CTC1: variants seen among roughly 807,000 people sequenced by gnomAD.
The protein encoded by CTC1 is CST telomere replication complex component 1, also known as CST complex subunit CTC1.
A neutral mutation model predicts 136.3 loss-of-function variants in CTC1; 91 were observed. That is an observed-to-expected ratio of 0.67 (90% CI 0.56 to 0.79). CTC1 has a LOEUF of 0.79. CTC1 is among the 30% of genes least tolerant of loss of function. The pLI is 0.00. For missense variants in CTC1, 1,432 were observed against 1,498.1 expected (o/e 0.96, Z 0.73); for synonymous variants, 606 against 613.8 (o/e 0.99, Z 0.19).
intron 22 of CTC1, 37 bp from the exon 23 acceptor site, chr17:8,228,356 C>T (rs1413220713): frequency 1.2e-6 from 2 of 1,610,042 alleles, no homozygotes; most frequent in East Asian, 4.5e-5. Flanking sequence ...ACGTCTCAGG[C>T]ATGTGGCTTT....
chr17:8,240,240 C>T (rs1013416310), intron 2 of CTC1, among the ~76,000 whole-genome samples: 10 of 151,510 alleles, frequency 6.6e-5, no homozygotes, highest in Non-Finnish European at 7.4e-5. Context: ...CTGCAACCTC[C>T]GCCTGCCGGG....
chr17:8,226,690 A>C lies in CTC1; in HGVS notation c.*1490T>G, dbSNP rs142420278. 6.6e-6 allele frequency: 1 copy of C among 152,302 alleles called. No homozygotes were observed. Among genetic ancestry groups the C allele is most frequent in the East Asian group, 1.9e-4 (1 of 5,186 alleles). 9.4% of individuals were successfully genotyped at this position (152,302 alleles called of 1,614,324 possible). A position where few individuals can be genotyped will look rare whatever the true frequency, so the allele number is the denominator to read the frequency against. ...TCGCCTTAACCACTCGGCCACGACTACGAGGCTTAGGGCTTCGTTTTCATC... is the reference window on the plus strand; with the variant it reads ...TCGCCTTAACCACTCGGCCACGACTCCGAGGCTTAGGGCTTCGTTTTCATC... On this transcript the variant is annotated 3_prime_UTR_variant, in exon 23 of 23. Transcript: ENST00000651323.
At chr17:8,231,163 C>T (rs973617704) in intron 15 of CTC1, 113 bp downstream of exon 15, 11 of 892,080 alleles carry the variant, frequency 1.2e-5, no homozygotes, top group Admixed American at 2.7e-5. Context: ...ACAAAAACAA[C>T]AATAACAAAA....
At chr17:8,244,289 G>A (rs959607233) in intron 1 of CTC1, among the ~76,000 whole-genome samples, 11 of 152,140 alleles carry the variant, frequency 7.2e-5, no homozygotes, top group African/African-American at 2.7e-4. Flanking sequence ...GGCTTCCTGA[G>A]GAGGATATGG....
rs1316734945 is a variant in CTC1 at position 8,225,579 on chromosome 17, C to T, written c.*2601G>A. The stretch of plus-strand genomic sequence containing the variant: ...TGCCCTGCCCTTCCACACCAGGATC[C>T]CTAGCGACTCCCGAATGATGCTTTC... On this transcript the variant is annotated 3_prime_UTR_variant, in exon 23 of 23. Coordinates refer to ENST00000651323, the MANE Select transcript of CTC1 (RefSeq NM_025099.6). The T allele has an allele frequency of 6.6e-6, 1 of 152,248 alleles. No homozygotes were observed. Among genetic ancestry groups the T allele is most frequent in the African/African-American group, 2.4e-5 (1 of 41,428 alleles). 9.4% of individuals were successfully genotyped at this position (152,248 alleles called of 1,614,324 possible). A position where few individuals can be genotyped will look rare whatever the true frequency, so the allele number is the denominator to read the frequency against.
chr17:8,228,975 T>C (rs1986972510), intron 20 of CTC1, 83 bp from the exon 21 acceptor site: 1 of 1,512,360 alleles, frequency 6.6e-7, no homozygotes, highest in South Asian at 1.2e-5. Context: ...CCCTCCCCGC[T>C]GTCTGCAGTC....
rs764799661 is a variant in CTC1 at position 8,232,409 on chromosome 17, G to C, written c.2012C>G (p.Ser671Cys). ...VERDVRSSFP[S>C]WKELSMPGFI... ...GCCTGGCATGCTCAGCTCCTTCCAG[G>C]AAGGGAAGCTGCTTCTCACGTCCCT... is the stretch of plus-strand genomic sequence containing the variant. The change falls in exon 12 of 23, where the codon TCC becomes TGC. Residue 671 changes from serine to cysteine, a missense_variant. By Grantham distance (112) the Ser-to-Cys change is moderately radical. Transcript: ENST00000651323. 6.2e-5 allele frequency: 100 copies of C among 1,614,044 alleles called. No individual in the cohort carries two copies. Among genetic ancestry groups the C allele is most frequent in the Non-Finnish European group, 8.0e-5 (94 of 1,180,030 alleles).
At position 8,238,198 on chromosome 17, in the gene CTC1, G is replaced by A. The variant is rs758526155; in HGVS notation, c.480C>T (p.Phe160=). The change falls in exon 4 of 23, where the codon TTC becomes TTT. Residue 160 remains phenylalanine (F), a synonymous_variant. Coordinates refer to ENST00000651323, the MANE Select transcript of CTC1 (RefSeq NM_025099.6). ...CAGGAGGGAGGTAACTCCAACGGGG[G>A]AACAGAAAAAGATGGCCCAACCAAG... ...DLSWLGHLFL[F]PRWSYLPPAR... The A allele has an allele frequency of 3.7e-6, 6 of 1,612,124 alleles. No homozygotes were observed. The highest frequency in any genetic ancestry group is 1.7e-6 in the Non-Finnish European group (2 of 1,178,518).
At position 8,232,394 on chromosome 17, in the gene CTC1, C is replaced by T. The variant is rs1259622000; in HGVS notation, c.2027G>A (p.Ser676Asn). 6.2e-7 allele frequency: 1 copy of T among 1,614,174 alleles called. No homozygotes were observed. Among genetic ancestry groups the T allele is most frequent in the Non-Finnish European group, 8.5e-7 (1 of 1,180,002 alleles). ...RSSFPSWKELSMPGFIQKQQA... is the reference protein window; with the variant it reads ...RSSFPSWKELNMPGFIQKQQA... Reference sequence around the variant, plus strand: ...CTGCTTCTGGATGAAGCCTGGCATGCTCAGCTCCTTCCAGGAAGGGAAGCT... The same window carrying T: ...CTGCTTCTGGATGAAGCCTGGCATGTTCAGCTCCTTCCAGGAAGGGAAGCT... The change falls in exon 12 of 23, where the codon AGC (serine) becomes AAC (asparagine). Residue 676 changes from serine (S) to asparagine (N), a missense_variant. Ser to Asn is a conservative substitution (Grantham distance 46). Coordinates refer to ENST00000651323, the MANE Select transcript of CTC1 (RefSeq NM_025099.6).
chr17:8,231,554 C>T, intron 14 of CTC1, 85 bp from the exon 15 acceptor site: 1 of 1,361,414 alleles, frequency 7.3e-7, no homozygotes, highest in Non-Finnish European at 1.0e-6. Flanking sequence ...CAATTTTGTT[C>T]TTTCTGGAGC....
chr17:8,232,111 T>A lies in CTC1; in HGVS notation c.2177A>T (p.His726Leu). Reference protein sequence around the residue: ...QTDPTGPEGPHLGQSRLFLLC... With the variant: ...QTDPTGPEGPLLGQSRLFLLC... ...CAAGAAGAGCCGGCTCTGTCCTAGG[T>A]GGGGTCCCTCTGGGCCGGTGGGATC... Residue 726 changes from histidine (H) to leucine (L), a missense_variant, in exon 13 of 23, where the codon CAC (histidine) becomes CTC (leucine). Physicochemically the swap from His to Leu is moderately conservative, Grantham distance 99. Transcript: ENST00000651323. 1.3e-6 allele frequency: 2 copies of A among 1,538,340 alleles called. No homozygotes were observed. Among genetic ancestry groups the A allele is most frequent in the Non-Finnish European group, 1.7e-6 (2 of 1,147,890 alleles).
chr17:8,243,843 G>A (rs1384514241), intron 1 of CTC1, among the ~76,000 whole-genome samples: 2 of 152,216 alleles, frequency 1.3e-5, no homozygotes, highest in Admixed American at 6.5e-5. Flanking sequence ...AGGCCAAAGA[G>A]GGTGGATTGC....
chr17:8,232,307 C>T, intron 12 of CTC1, 54 bp downstream of exon 12: 2 of 1,583,654 alleles, frequency 1.3e-6, no homozygotes, highest in Non-Finnish European at 1.7e-6. Flanking sequence ...ACTCCTTCCA[C>T]CAGGCCCTTC....
At chr17:8,230,207 G>A (rs1365762279) in intron 17 of CTC1, 87 bp downstream of exon 17, 1 of 1,338,556 alleles carries the variant, frequency 7.5e-7, no homozygotes, top group African/African-American at 1.5e-5. Context: ...AAGAGAAGGG[G>A]TCGCTGCAGC....
rs1442237329 is a variant in CTC1, at chr17:8,229,154, T to C, written c.3209A>G (p.Gln1070Arg). The C allele has an allele frequency of 6.2e-7, 1 of 1,613,950 alleles. No individual in the cohort carries two copies. ...CTTGTGCTCTCACCTGATGATGGCC[T>C]GGCTTATAGCTGTCTGCGTAGGGCA... ...STCPTQTAISQAIIRLLVEDG... is the reference protein window; with the variant it reads ...STCPTQTAISRAIIRLLVEDG... Residue 1070 changes from glutamine to arginine, a missense_variant, in exon 20 of 23, where the codon CAG becomes CGG. Gln to Arg is a conservative substitution (Grantham distance 43). Coordinates refer to ENST00000651323, the MANE Select transcript of CTC1 (RefSeq NM_025099.6).
intron 10 of CTC1, chr17:8,233,296 C>G (rs1026289095): frequency 5.1e-6 from 2 of 389,902 alleles, no homozygotes; most frequent in Non-Finnish European, 9.5e-6. Flanking sequence ...CACAATGAGA[C>G]GTTTGATTTT....
rs765361317 is a variant in CTC1, at chr17:8,229,127, G to A, written c.3221+15C>T. ...TAAGTAAATGGCACAATGGGTGCAC[G>A]CCTTGTGCTCTCACCTGATGATGGC... On this transcript the variant is annotated intron_variant, in intron 20 of 22. Transcript: ENST00000651323. The A allele has an allele frequency of 9.3e-6, 15 of 1,612,376 alleles. No individual in the cohort carries two copies. The highest frequency in any genetic ancestry group is 2.7e-5 in the African/African-American group (2 of 74,886).
chr17:8,230,398 G>A lies in CTC1; in HGVS notation c.2829C>T (p.Pro943=), dbSNP rs763146805. The A allele has an allele frequency of 5.6e-6, 9 of 1,614,126 alleles. No individual in the cohort carries two copies. The highest frequency in any genetic ancestry group is 5.1e-6 in the Non-Finnish European group (6 of 1,180,028). The change falls in exon 17 of 23, where the codon CCC becomes CCT. Residue 943 remains proline (P), a synonymous_variant. Transcript: ENST00000651323. ...CTTCTATATATACATCCAGGTGAGG[G>A]GGGAATTCACATTCAGCAGTCTCAA... ...VALETAECEF[P]PHLDVYIEDP... is the part of the protein sequence containing the mutation.
chr17:8,231,406 C>T lies in CTC1; in HGVS notation c.2539G>A (p.Gly847Ser). 1 of 1,613,606 alleles carries T rather than the reference C, an allele frequency of 6.2e-7. No individual in the cohort carries two copies. The highest frequency in any genetic ancestry group is 8.5e-7 in the Non-Finnish European group (1 of 1,179,604). The change falls in exon 15 of 23, where the codon GGC (glycine) becomes AGC (serine). Residue 847 changes from glycine (G) to serine (S), a missense_variant. By Grantham distance (56) the Gly-to-Ser change is moderately conservative. Transcript: ENST00000651323. ...TGGACAGTGAGGCAGGATGCACAGC[C>T]AGCCAACTCCAGAGGACGCCGAGAT... is the stretch of plus-strand genomic sequence containing the variant. ...CISRRPLELA[G>S]CASCLTVQDN...
Sources: allele counts gnomAD v4.1 joint callset (sites outside exome capture counted in the v4.1 genomes callset), GRCh38; gene constraint gnomAD v4.1.1; transcripts MANE v1.5; gene names NCBI Gene and HGNC (gene_info 2026-07-23, HGNC 2026-07-21).